XRCC2: variants seen among roughly 807,000 people sequenced by gnomAD.
XRCC2 encodes X-ray repair cross complementing 2.
In XRCC2, 24 loss-of-function variants were observed where a neutral mutation model predicts 27.3. The ratio of observed to expected loss-of-function variants is 0.88; its 90% CI spans 0.64 to 1.24. The LOEUF is 1.24. Ranked by LOEUF, XRCC2 falls within the 50% of genes most tolerant of loss-of-function variation. XRCC2 has a pLI of 0.00. For synonymous variants in XRCC2, 106 were observed against 115.4 expected, an observed-to-expected ratio of 0.92 and a Z score of 0.52; for missense variants, 321 against 325.8, an observed-to-expected ratio of 0.99 and a Z score of 0.11.
chr7:152,649,085 C>G lies in XRCC2; in HGVS notation c.400G>C (p.Glu134Gln). ...GATGGGTGACTACAAAACATACTTT[C>G]TAGTGAGTAAAGTGTAAGAAGTAAG... ...THLLLTLYSL[E>Q]SMFCSHPSLC... is the part of the protein sequence containing the mutation. The change falls in exon 3 of 3, where the codon GAA becomes CAA. Residue 134 changes from glutamate to glutamine, a missense_variant. Glu to Gln is a conservative substitution (Grantham distance 29). Transcript: ENST00000359321. 6.2e-7 allele frequency: 1 copy of G among 1,614,092 alleles called. No individual in the cohort carries two copies. Among genetic ancestry groups the G allele is most frequent in the East Asian group, 2.2e-5 (1 of 44,888 alleles).
intron 1 of XRCC2, among the ~76,000 whole-genome samples, chr7:152,669,330 G>A (rs1252844885): frequency 6.6e-6 from 1 of 152,224 alleles, no homozygotes; most frequent in Non-Finnish European, 1.5e-5. Flanking sequence ...CTAACAAGGT[G>A]TCCCAAATGT....
intron 1 of XRCC2, among the ~76,000 whole-genome samples, chr7:152,674,043 C>CT (rs200658006): frequency 0.01 from 1,565 of 152,220 alleles, 25 homozygotes; most frequent in African/African-American, 0.036. Context: ...TCCCAAGACA[C>CT]TTAAAGGGAA....
chr7:152,650,754 T>C (rs142213030), intron 2 of XRCC2, among the ~76,000 whole-genome samples: 9,078 of 151,822 alleles, frequency 0.06, 562 homozygotes, highest in Admixed American at 0.19. Context: ...GGCATGGTGG[T>C]GGGCACCTGT....
At chr7:152,671,968 G>A (rs749529727) in intron 1 of XRCC2, among the ~76,000 whole-genome samples, 1 of 152,162 alleles carries the variant, frequency 6.6e-6, no homozygotes, top group Non-Finnish European at 1.5e-5. Context: ...TTGAGCCCAG[G>A]AGGTCAAGGC....
chr7:152,646,160 AG>A lies in XRCC2; in HGVS notation c.*2481del, dbSNP rs1462572763. On this transcript the variant is annotated 3_prime_UTR_variant, in exon 3 of 3. Transcript: ENST00000359321. ...ATCCTTGAGTGGTTAAGAAATCAAA[AG>A]GTGCAGACCCTTTATCAATGTCTAA... 1 of 152,230 alleles carries A rather than the reference AG, an allele frequency of 6.6e-6. No individual in the cohort carries two copies. Among genetic ancestry groups the A allele is most frequent in the African/African-American group, 2.4e-5 (1 of 41,460 alleles). 9.4% of individuals were successfully genotyped at this position (152,230 alleles called of 1,614,324 possible).
chr7:152,650,676 A>C (rs1035109864), intron 2 of XRCC2, among the ~76,000 whole-genome samples: 1 of 152,118 alleles, frequency 6.6e-6, no homozygotes. Context: ...GGATCACCTG[A>C]GGTCAGGAAT....
rs114473621 is a variant in XRCC2 at position 152,655,665 on chromosome 7, C to T, written c.121+5036G>A. Among the ~76,000 whole-genome samples the T allele has an allele frequency of 1.9e-3, 295 of 152,264 alleles. 2 individuals are homozygous for T. Among genetic ancestry groups the T allele is most frequent in the African/African-American group, 6.5e-3 (272 of 41,556 alleles). On this transcript the variant is annotated intron_variant, in intron 2 of 2. Coordinates refer to ENST00000359321, the MANE Select transcript of XRCC2 (RefSeq NM_005431.2). ...TGGTCGAGGCTGCAGCGAGCCGTCA[C>T]GGCGCCACTGCACTCCAGCCTGGGC... is the stretch of plus-strand genomic sequence containing the variant.
intron 1 of XRCC2, among the ~76,000 whole-genome samples, chr7:152,668,996 G>A (rs905196035): frequency 6.6e-6 from 1 of 152,118 alleles, no homozygotes; most frequent in African/African-American, 2.4e-5. Flanking sequence ...TCAAAGCCTG[G>A]AATTTTTCTA....
At chr7:152,665,486 C>CT (rs1563032158) in intron 1 of XRCC2, among the ~76,000 whole-genome samples, 1 of 35,738 alleles carries the variant, frequency 2.8e-5, no homozygotes, top group Non-Finnish European at 5.9e-5. Context: ...GTAAGACAAA[C>CT]CTTTTTTTTT....
At chr7:152,656,169 T>C (rs955988345) in intron 2 of XRCC2, among the ~76,000 whole-genome samples, 1 of 151,902 alleles carries the variant, frequency 6.6e-6, no homozygotes, top group Non-Finnish European at 1.5e-5. Context: ...TTTATCTATA[T>C]AACAAACCTT....
chr7:152,652,072 G>A (rs535202459), intron 2 of XRCC2, among the ~76,000 whole-genome samples: 7 of 151,816 alleles, frequency 4.6e-5, no homozygotes, highest in African/African-American at 1.7e-4. Flanking sequence ...AGCTACTCAG[G>A]GTGAAGTGGG....
At chr7:152,664,807 C>T (rs555364747) in intron 1 of XRCC2, among the ~76,000 whole-genome samples, 44 of 152,244 alleles carry the variant, frequency 2.9e-4, no homozygotes, top group Non-Finnish European at 5.4e-4. Flanking sequence ...TAACTGGTTG[C>T]AGCTGGCACC....
Position 152,660,455 on chromosome 7 carries a change from A to G in XRCC2, c.121+246T>C, listed in dbSNP as rs550024439. 2.0e-5 allele frequency among the ~76,000 whole-genome samples: 3 copies of G among 152,208 alleles called. No individual in the cohort carries two copies. The South Asian group carries it at 6.2e-4, about 31-fold the overall frequency. ...AACTATAATAACAGGACTTGCATAA[A>G]TATTGTGTGTTGAGAATAAGACAGA... On this transcript the variant is annotated intron_variant, in intron 2 of 2. Coordinates refer to ENST00000359321, the MANE Select transcript of XRCC2 (RefSeq NM_005431.2).
In XRCC2 at chr7:152,674,705, T is replaced by TATATATAAAAATATATTTA. The variant is rs200794364; in HGVS notation, c.39+1335_39+1336insTAAATATATTTTTATATAT. 4.3e-4 allele frequency among the ~76,000 whole-genome samples: 9 copies of TATATATAAAAATATATTTA among 20,694 alleles called. 1 individual carries two copies. The highest frequency in any genetic ancestry group is 1.2e-3 in the South Asian group (1 of 806). The allele number at this position is 20,694 out of a possible 152,430, so 13.6% of individuals were successfully genotyped here. A position where few individuals can be genotyped will look rare whatever the true frequency, so the allele number is the denominator to read the frequency against. ...TATAAATATATTTTTAAATATATATTTATATAATATATTTTTAAATATATA... is the reference window on the plus strand; with the variant it reads ...TATAAATATATTTTTAAATATATATTATATATAAAAATATATTTATATATAATATATTTTTAAATATATA... On this transcript the variant is annotated intron_variant, in intron 1 of 2. Transcript: ENST00000359321.
intron 1 of XRCC2, among the ~76,000 whole-genome samples, chr7:152,675,548 G>A (rs1320755610): frequency 1.3e-5 from 2 of 152,084 alleles, no homozygotes; most frequent in Non-Finnish European, 2.9e-5. Flanking sequence ...GGGTGGCGAG[G>A]GCCAGCTGCC....
chr7:152,671,554 T>C (rs925715224), intron 1 of XRCC2, among the ~76,000 whole-genome samples: 2 of 152,182 alleles, frequency 1.3e-5, no homozygotes, highest in African/African-American at 4.8e-5. Context: ...TTTATTATAT[T>C]TTCCCTGGAT....
intron 1 of XRCC2, among the ~76,000 whole-genome samples, chr7:152,675,663 T>C (rs3218388): frequency 0.035 from 5,339 of 152,316 alleles, 291 homozygotes; most frequent in African/African-American, 0.12. Context: ...TCCCCTTTTC[T>C]AGCTTTTCTT....
intron 1 of XRCC2, among the ~76,000 whole-genome samples, chr7:152,662,730 G>A (rs1191783969): frequency 1.3e-4 from 20 of 150,646 alleles, no homozygotes; most frequent in Admixed American, 6.6e-4. Flanking sequence ...CCGCCACTAC[G>A]CCCGGCTAAT....
chr7:152,659,776 A>C (rs997357530), intron 2 of XRCC2, among the ~76,000 whole-genome samples: 3 of 150,814 alleles, frequency 2.0e-5, no homozygotes, highest in African/African-American at 7.4e-5. Flanking sequence ...CATATGACCT[A>C]GCAATGCCTA....
Sources: allele counts gnomAD v4.1 joint callset (sites outside exome capture counted in the v4.1 genomes callset), GRCh38; gene constraint gnomAD v4.1.1; transcripts MANE v1.5; gene names NCBI Gene and HGNC (gene_info 2026-07-23, HGNC 2026-07-21).